Variants in PHACTR1 observed in about 807,000 individuals in gnomAD.
PHACTR1 encodes phosphatase and actin regulator 1.
In PHACTR1, 16 loss-of-function variants were observed where a neutral mutation model predicts 69.2. That is an observed-to-expected ratio of 0.23 (90% CI 0.16 to 0.35). The LOEUF is 0.35. Ranked by LOEUF, PHACTR1 falls within the 10% of genes least tolerant of loss-of-function variation. PHACTR1 has a pLI of 1.00. For missense variants in PHACTR1, 510 were observed against 734.7 expected, an observed-to-expected ratio of 0.69 and a Z score of 3.54; for synonymous variants, 312 against 284.5, an observed-to-expected ratio of 1.10 and a Z score of -0.97.
chr6:13,234,214 C>T (rs1771653675), intron 10 of PHACTR1, among the ~76,000 whole-genome samples: 1 of 152,238 alleles, frequency 6.6e-6, no homozygotes, highest in Non-Finnish European at 1.5e-5. Context: ...GCGAGCTACT[C>T]TGGAGTAGAA....
chr6:12,739,521 G>A (rs1044358146), intron 3 of PHACTR1, among the ~76,000 whole-genome samples: 1 of 151,934 alleles, frequency 6.6e-6, no homozygotes, highest in East Asian at 1.9e-4. Flanking sequence ...TAAGCTAGAA[G>A]CTTTTTATAA....
intron 4 of PHACTR1, among the ~76,000 whole-genome samples, chr6:12,864,826 A>C (rs1270325688): frequency 3.3e-5 from 5 of 152,242 alleles, no homozygotes; most frequent in Non-Finnish European, 5.9e-5. Context: ...ACTAGAGCAT[A>C]GTTTCCAGTG....
chr6:12,754,558 T>G (rs1358319728), intron 4 of PHACTR1, among the ~76,000 whole-genome samples: 2 of 152,210 alleles, frequency 1.3e-5, no homozygotes, highest in Non-Finnish European at 2.9e-5. Context: ...CCTTCTGTGC[T>G]ATATATAGTT....
chr6:12,775,078 G>A (rs1769882824), intron 4 of PHACTR1, among the ~76,000 whole-genome samples: 1 of 152,126 alleles, frequency 6.6e-6, no homozygotes, highest in East Asian at 1.9e-4. Flanking sequence ...CTGTGAAGAG[G>A]GTGAGCAGGG....
At chr6:13,188,463 G>A (rs542794402) in intron 7 of PHACTR1, among the ~76,000 whole-genome samples, 1 of 152,116 alleles carries the variant, frequency 6.6e-6, no homozygotes, top group African/African-American at 2.4e-5. Context: ...TGCTGCTCTG[G>A]TGACATGTTT....
At chr6:12,762,017 A>G (rs1768081338) in intron 4 of PHACTR1, among the ~76,000 whole-genome samples, 1 of 152,190 alleles carries the variant, frequency 6.6e-6, no homozygotes, top group South Asian at 2.1e-4. Context: ...CCCTGGCTGT[A>G]ATCAGCGAAG....
chr6:13,077,836 A>G (rs1810764568), intron 5 of PHACTR1, among the ~76,000 whole-genome samples: 1 of 152,168 alleles, frequency 6.6e-6, no homozygotes. Context: ...AGGAGGAGAA[A>G]TAACAAGACT....
intron 4 of PHACTR1, among the ~76,000 whole-genome samples, chr6:13,001,542 C>T (rs1431772383): frequency 1.3e-5 from 2 of 152,164 alleles, no homozygotes; most frequent in Non-Finnish European, 2.9e-5. Flanking sequence ...CCCACCATGA[C>T]CTGCAACAGC....
chr6:12,976,406 C>T (rs191945742), intron 4 of PHACTR1, among the ~76,000 whole-genome samples: 9 of 152,224 alleles, frequency 5.9e-5, no homozygotes, highest in African/African-American at 2.2e-4. Flanking sequence ...TCAACCCTTC[C>T]ATTTGACTCA....
At chr6:12,918,588 G>A (rs958515903) in intron 4 of PHACTR1, among the ~76,000 whole-genome samples, 5 of 152,136 alleles carry the variant, frequency 3.3e-5, no homozygotes, top group Admixed American at 1.3e-4. Context: ...TTGTCTGTTC[G>A]TATTTTTAAA....
chr6:13,127,594 A>C (rs1184931816), intron 5 of PHACTR1, among the ~76,000 whole-genome samples: 62 of 152,108 alleles, frequency 4.1e-4, no homozygotes, highest in Admixed American at 4.1e-3. Flanking sequence ...AAATAGAAGG[A>C]AGGTCACCAA....
intron 4 of PHACTR1, among the ~76,000 whole-genome samples, chr6:12,923,600 T>G (rs1180160376): frequency 6.6e-6 from 1 of 152,218 alleles, no homozygotes; most frequent in Non-Finnish European, 1.5e-5. Context: ...ATCTATCTTA[T>G]CATTATCCTT....
chr6:13,157,430 G>T (rs565851589), intron 5 of PHACTR1, among the ~76,000 whole-genome samples: 18 of 152,316 alleles, frequency 1.2e-4, no homozygotes, highest in Non-Finnish European at 4.4e-5. Context: ...CTATCACGGC[G>T]ATGGCTGTCT....
intron 5 of PHACTR1, among the ~76,000 whole-genome samples, chr6:13,079,229 A>C (rs541710578): frequency 6.6e-6 from 1 of 152,162 alleles, no homozygotes; most frequent in African/African-American, 2.4e-5. Context: ...CTTACTGCTT[A>C]CATGCGATGG....
chr6:12,985,537 A>AT (rs1388013917), intron 4 of PHACTR1, among the ~76,000 whole-genome samples: 1,874 of 136,968 alleles, frequency 0.014, 15 homozygotes, highest in African/African-American at 0.016. Flanking sequence ...TTAAAAAAAA[A>AT]AAAAATATAT....
chr6:12,748,113 T>C (rs1017211871), intron 3 of PHACTR1, among the ~76,000 whole-genome samples: 2 of 151,948 alleles, frequency 1.3e-5, no homozygotes, highest in Middle Eastern at 3.2e-3. Flanking sequence ...GAGATTGGAG[T>C]GTAAAAACAG....
At chr6:12,974,695 C>T (rs1794653973) in intron 4 of PHACTR1, among the ~76,000 whole-genome samples, 1 of 152,134 alleles carries the variant, frequency 6.6e-6, no homozygotes, top group Admixed American at 6.6e-5. Flanking sequence ...TTGGTGGATA[C>T]AGGAAGTATG....
At chr6:13,182,483 T>C (rs901796733) in intron 6 of PHACTR1, 36 bp from the exon 7 acceptor site, 1 of 1,605,000 alleles carries the variant, frequency 6.2e-7, no homozygotes. Flanking sequence ...AAGGCAGACA[T>C]TGTCTAACTC....
intron 4 of PHACTR1, among the ~76,000 whole-genome samples, chr6:13,000,398 C>T (rs1293132067): frequency 6.6e-6 from 1 of 151,990 alleles, no homozygotes; most frequent in African/African-American, 2.4e-5. Flanking sequence ...AAATTTAAAA[C>T]TTAGCTAGGT....
Sources: gnomAD v4.1 joint callset for allele counts (sites outside exome capture counted in the v4.1 genomes callset) on GRCh38, gnomAD v4.1.1 for gene constraint, MANE v1.5 for transcripts, NCBI Gene and HGNC (gene_info 2026-07-23, HGNC 2026-07-21) for gene names.